The following CGA variants were observed in gnomAD, a reference collection of about 807,000 sequenced individuals.
CGA encodes glycoprotein hormones, alpha polypeptide.
In CGA, 4 loss-of-function variants were observed where a neutral mutation model predicts 12.0. The ratio of observed to expected loss-of-function variants is 0.33; its 90% CI spans 0.16 to 0.76. The LOEUF (loss-of-function observed/expected upper bound fraction) is 0.76, where lower values mean the gene tolerates loss of function less well. CGA is among the 30% of genes least tolerant of loss of function. The pLI is 0.60. For missense variants in CGA, 102 were observed against 143.5 expected (o/e 0.71, Z 1.48); for synonymous variants, 60 against 56.6 (o/e 1.06, Z -0.27).
At position 87,088,187 on chromosome 6, in the gene CGA, C is replaced by T. The variant is rs763064410; in HGVS notation, c.14G>A (p.Arg5Lys). 2 of 1,530,304 alleles carry T rather than the reference C, an allele frequency of 1.3e-6. No individual in the cohort carries two copies. The highest frequency in any genetic ancestry group is 1.8e-6 in the Non-Finnish European group (2 of 1,131,522). The allele number at this position is 1,530,304 out of a possible 1,614,324, so 94.8% of individuals were successfully genotyped here. A position where few individuals can be genotyped will look rare whatever the true frequency, so the allele number is the denominator to read the frequency against. MDYY[R>K]KYAAIFLVTL... ...GACCAGAAAGATAGCTGCATATTTT[C>T]TGTAGTAATCCATGGCGCTCCTGCA... is the stretch of plus-strand genomic sequence containing the variant. The change falls in exon 2 of 4, where the codon AGA becomes AAA. Residue 5 changes from arginine to lysine, a missense_variant. Coordinates refer to ENST00000627148, the MANE Select transcript of CGA (RefSeq NM_000735.4).
At position 87,092,580 on chromosome 6, in the gene CGA, G is replaced by GGAGAC. The variant is rs1562095806; in HGVS notation, c.-8+2432_-8+2433insGTCTC. ...GAAAAGAAGAGGAGAGGAGAGGAGA[G>GGAGAC]GGGAAGAGGGGAAAGGAGAGGAAAA... On this transcript the variant is annotated intron_variant, in intron 1 of 3. Coordinates refer to ENST00000627148, the MANE Select transcript of CGA (RefSeq NM_000735.4). Among the ~76,000 whole-genome samples, 5 of 150,408 alleles carry GGAGAC rather than the reference G, an allele frequency of 3.3e-5. No homozygotes were observed. The East Asian group carries it at 9.8e-4, about 30-fold the overall frequency.
At chr6:87,087,660 C>T (rs1260086576) in intron 2 of CGA, 1 of 152,248 alleles carries the variant, frequency 6.6e-6, no homozygotes, top group Non-Finnish European at 1.5e-5. Context: ...AGGAATTATA[C>T]CAGCTACTAT....
chr6:87,090,794 C>G lies in CGA; in HGVS notation c.-7-2587G>C, dbSNP rs749978796. On this transcript the variant is annotated intron_variant, in intron 1 of 3. Transcript: ENST00000627148. ...CTGGGACTACAGGCACATGCCACCA[C>G]GCTTGGCTAATTTTTTTTTTTTTTT... Among the ~76,000 whole-genome samples the G allele has an allele frequency of 1.1e-4, 16 of 143,378 alleles. 1 individual carries two copies. The highest frequency in any genetic ancestry group is 4.1e-4 in the African/African-American group (16 of 38,610). The allele number at this position is 143,378 out of a possible 152,430, so 94.1% of individuals were successfully genotyped here.
At chr6:87,090,635 TA>T (rs1026576867) in intron 1 of CGA, among the ~76,000 whole-genome samples, 1 of 124,408 alleles carries the variant, frequency 8.0e-6, no homozygotes, top group Non-Finnish European at 1.7e-5. Context: ...GGCTCTTCAA[TA>T]ATTTTTTTTT....
chr6:87,086,089 A>G, intron 3 of CGA, 161 bp downstream of exon 3: 5 of 692,432 alleles, frequency 7.2e-6, no homozygotes, highest in Non-Finnish European at 9.8e-6. Flanking sequence ...AAGACAATTG[A>G]CTCTTTTAAT....
chr6:87,090,148 G>T (rs1285342098), intron 1 of CGA, among the ~76,000 whole-genome samples: 1 of 152,076 alleles, frequency 6.6e-6, no homozygotes. Context: ...AAGTAATTTT[G>T]AGTTCTATTT....
chr6:87,088,224 CAAAA>C lies in CGA; in HGVS notation c.-7-21_-7-18del. ...ATGGCGCTCCTGCAGACAGACATGG[CAAAA>C]AAAAAAAAACAAAAAACAGTTAATC... On this transcript the variant is annotated intron_variant, in intron 1 of 3. Transcript: ENST00000627148. 2.1e-5 allele frequency: 9 copies of C among 435,956 alleles called. No homozygotes were observed. The highest frequency in any genetic ancestry group is 1.8e-4 in the South Asian group (3 of 16,950). The allele number at this position is 435,956 out of a possible 1,614,324, so 27.0% of individuals were successfully genotyped here.
chr6:87,090,715 GCAACCTCC>G (rs1159285985), intron 1 of CGA, among the ~76,000 whole-genome samples: 1 of 145,530 alleles, frequency 6.9e-6, no homozygotes, highest in Non-Finnish European at 1.5e-5. Flanking sequence ...TTGGCTCACT[GCAACCTCC>G]ACCTCCTGGG....
chr6:87,088,455 A>G (rs1769369925), intron 1 of CGA, among the ~76,000 whole-genome samples: 1 of 152,126 alleles, frequency 6.6e-6, no homozygotes. Context: ...AATTGGTTTA[A>G]TAATAATTAC....
chr6:87,089,647 G>A (rs965507473), intron 1 of CGA, among the ~76,000 whole-genome samples: 5 of 152,092 alleles, frequency 3.3e-5, no homozygotes, highest in South Asian at 2.1e-4. Flanking sequence ...TGACATAATA[G>A]GGCTGAGTTT....
At chr6:87,091,432 G>T (rs918835063) in intron 1 of CGA, among the ~76,000 whole-genome samples, 1 of 152,038 alleles carries the variant, frequency 6.6e-6, no homozygotes, top group African/African-American at 2.4e-5. Context: ...AAATTCAAAA[G>T]AAAATATTAA....
chr6:87,090,786 T>C (rs7759783), intron 1 of CGA, among the ~76,000 whole-genome samples: 78,990 of 150,174 alleles, frequency 0.53, 20,917 homozygotes, highest in East Asian at 0.58. Context: ...TACAGGCACA[T>C]GCCACCACGC....
intron 1 of CGA, among the ~76,000 whole-genome samples, chr6:87,092,520 A>G (rs1186739424): frequency 9.2e-6 from 1 of 108,994 alleles, no homozygotes; most frequent in Non-Finnish European, 1.9e-5. Context: ...CTTGAAAACA[A>G]AAAAGAGAGA....
At chr6:87,089,722 G>C (rs1264317288) in intron 1 of CGA, among the ~76,000 whole-genome samples, 2 of 152,110 alleles carry the variant, frequency 1.3e-5, no homozygotes, top group Non-Finnish European at 1.5e-5. Context: ...GCAGAACTAA[G>C]TTTATAACAC....
intron 1 of CGA, among the ~76,000 whole-genome samples, chr6:87,093,765 T>A (rs564942201): frequency 8.6e-4 from 131 of 152,226 alleles, no homozygotes; most frequent in Admixed American, 1.5e-3. Flanking sequence ...ACACTGCAAC[T>A]GAAAATCTGC....
chr6:87,088,087 C>G (rs1326602284), intron 2 of CGA, 26 bp downstream of exon 2: 1 of 1,452,050 alleles, frequency 6.9e-7, no homozygotes, highest in Non-Finnish European at 9.5e-7. Context: ...GTCCTTATTA[C>G]TTGAACCACA....
Position 87,085,770 on chromosome 6 carries a change from A to G in CGA, c.337T>C (p.Tyr113His), listed in dbSNP as rs769877495. Residue 113 changes from tyrosine to histidine, a missense_variant, in exon 4 of 4, where the codon TAT becomes CAT. Coordinates refer to ENST00000627148, the MANE Select transcript of CGA (RefSeq NM_000735.4). ...TGGTAAAACATTTAAGATTTGTGAT[A>G]ATAACAAGTACTGCAGTGGCACGCC... ...HTACHCSTCY[Y>H]HKS 5.0e-6 allele frequency: 8 copies of G among 1,610,692 alleles called. No homozygotes were observed. The highest frequency in any genetic ancestry group is 6.8e-6 in the Non-Finnish European group (8 of 1,177,194).
chr6:87,089,985 C>T (rs1238475274), intron 1 of CGA, among the ~76,000 whole-genome samples: 2 of 151,994 alleles, frequency 1.3e-5, no homozygotes, highest in African/African-American at 4.8e-5. Flanking sequence ...GCAAATATTC[C>T]AATATCCAAA....
Position 87,085,580 on chromosome 6 carries a change from T to C in CGA, c.*176A>G. 1.7e-6 allele frequency: 1 copy of C among 590,658 alleles called. No individual in the cohort carries two copies. Among genetic ancestry groups the C allele is most frequent in the Non-Finnish European group, 3.1e-6 (1 of 323,990 alleles). The allele number at this position is 590,658 out of a possible 1,614,324, so 36.6% of individuals were successfully genotyped here. Reference sequence around the variant, plus strand: ...TTCCAAATGAAAAGAACTAGACTGCTGATTGTACTGTAGGATAAGGAGGAA... The same window carrying C: ...TTCCAAATGAAAAGAACTAGACTGCCGATTGTACTGTAGGATAAGGAGGAA... On this transcript the variant is annotated 3_prime_UTR_variant, in exon 4 of 4. Transcript: ENST00000627148.
Sources: gnomAD v4.1 joint callset for allele counts (sites outside exome capture counted in the v4.1 genomes callset) on GRCh38, gnomAD v4.1.1 for gene constraint, MANE v1.5 for transcripts, NCBI Gene and HGNC (gene_info 2026-07-23, HGNC 2026-07-21) for gene names.